Variants in USP7 observed in about 807,000 individuals in gnomAD.
USP7 encodes the protein ubiquitin C-terminal hydrolase 7.
In USP7, 9 loss-of-function variants were observed where a neutral mutation model predicts 162.9. The observed-to-expected ratio is 0.06, with a 90% CI of 0.03 to 0.10. The LOEUF is 0.10. Among genes scored for constraint, USP7 ranks in the 10% least tolerant of loss-of-function variants. The pLI, the probability that USP7 is intolerant of heterozygous loss-of-function variation, is 1.00. For synonymous variants in USP7, 562 were observed against 475.9 expected (o/e 1.18, Z -2.35); for missense variants, 715 against 1,373.7 (o/e 0.52, Z 7.58).
At position 8,920,532 on chromosome 16, in the gene USP7, T is replaced by C. The variant is rs1897627979; in HGVS notation, c.523-85A>G. ...GACAAATTACATTAGTGCCCTGTAC[T>C]TAATAGAGATGAAAATACTTTTTTT... On this transcript the variant is annotated intron_variant, in intron 4 of 30. Transcript: ENST00000344836. The C allele has an allele frequency of 1.3e-5, 14 of 1,043,920 alleles. No homozygotes were observed. In the South Asian group the frequency reaches 2.1e-4, roughly 16 times the overall value. 64.7% of individuals were successfully genotyped at this position (1,043,920 alleles called of 1,614,324 possible).
At chr16:8,907,461 CA>C (rs2061878643) in intron 12 of USP7, among the ~76,000 whole-genome samples, 1 of 152,224 alleles carries the variant, frequency 6.6e-6, no homozygotes, top group Admixed American at 6.5e-5. Flanking sequence ...ATATTCCATA[CA>C]AAGCTGGTGC....
intron 1 of USP7, among the ~76,000 whole-genome samples, chr16:8,946,867 T>C (rs943721624): frequency 2.6e-5 from 4 of 152,236 alleles, no homozygotes; most frequent in Middle Eastern, 3.2e-3. Context: ...TATAACTGTA[T>C]AATAAAATGT....
At chr16:8,927,878 G>T (rs372624562) in intron 2 of USP7, among the ~76,000 whole-genome samples, 12 of 151,854 alleles carry the variant, frequency 7.9e-5, no homozygotes, top group African/African-American at 2.2e-4. Flanking sequence ...AGTGCAATGG[G>T]TCATGCCTAT....
At chr16:8,962,582 A>G (rs74010351) in intron 1 of USP7, 29,635 of 354,372 alleles carry the variant, frequency 0.084, 1,603 homozygotes, top group African/African-American at 0.18. Context: ...CACACTGCCA[A>G]GTACAAACTC....
At chr16:8,962,225 G>A (rs999188417) in intron 1 of USP7, among the ~76,000 whole-genome samples, 2 of 152,172 alleles carry the variant, frequency 1.3e-5, no homozygotes, top group Non-Finnish European at 2.9e-5. Context: ...TTTCATTCAG[G>A]TGGCCTCCAT....
chr16:8,945,918 C>T (rs1461698556), intron 1 of USP7, among the ~76,000 whole-genome samples: 5 of 151,998 alleles, frequency 3.3e-5, no homozygotes, highest in Admixed American at 3.3e-4. Context: ...AAAACAACAG[C>T]ACTGATTGAG....
chr16:8,901,113 C>T (rs1348241783), intron 19 of USP7, 29 bp downstream of exon 19: 1 of 1,612,886 alleles, frequency 6.2e-7, no homozygotes, highest in African/African-American at 1.3e-5. Context: ...GCAAAATCTA[C>T]TCAGAAGGTA....
rs1224163161 is a variant in USP7, at chr16:8,923,376, A to C, written c.222T>G (p.Thr74=). The C allele has an allele frequency of 1.9e-6, 3 of 1,614,240 alleles. No homozygotes were observed. The highest frequency in any genetic ancestry group is 2.5e-6 in the Non-Finnish European group (3 of 1,180,042). ...CACTCAGTCTGCTGAAGCGCTCCAC[A>C]GTGAACTGAAAGGTTGCCTCGGAGC... ...SWRSEATFQF[T]VERFSRLSES... is the part of the protein sequence containing the mutation. The change falls in exon 3 of 31, where the codon ACT becomes ACG. Residue 74 remains threonine (T), a synonymous_variant. Coordinates refer to ENST00000344836, the MANE Select transcript of USP7 (RefSeq NM_003470.3).
intron 1 of USP7, among the ~76,000 whole-genome samples, chr16:8,946,710 AGCAGATGCAAAG>A (rs1295996473): frequency 6.6e-6 from 1 of 152,216 alleles, no homozygotes; most frequent in Non-Finnish European, 1.5e-5. Flanking sequence ...CCCACACACC[AGCAGATGCAAAG>A]GCGGCCTCCA....
At chr16:8,931,535 T>G (rs1898340669) in intron 1 of USP7, among the ~76,000 whole-genome samples, 1 of 152,358 alleles carries the variant, frequency 6.6e-6, no homozygotes, top group South Asian at 2.1e-4. Context: ...TGTATAATTA[T>G]GTAAAGATCC....
chr16:8,945,760 C>T (rs1899247721), intron 1 of USP7, among the ~76,000 whole-genome samples: 1 of 151,936 alleles, frequency 6.6e-6, no homozygotes, highest in South Asian at 2.1e-4. Flanking sequence ...TTTTGAATAA[C>T]ACAGATCCAC....
At chr16:8,948,274 C>T (rs1026176596) in intron 1 of USP7, among the ~76,000 whole-genome samples, 2 of 152,228 alleles carry the variant, frequency 1.3e-5, no homozygotes, top group Non-Finnish European at 2.9e-5. Flanking sequence ...CCTCAACTTC[C>T]TGGGCTCAAG....
intron 1 of USP7, among the ~76,000 whole-genome samples, chr16:8,953,071 G>A (rs1219263286): frequency 2.6e-5 from 4 of 152,010 alleles, no homozygotes; most frequent in Non-Finnish European, 4.4e-5. Context: ...CCCTGACCTC[G>A]TAATCTGTCG....
intron 1 of USP7, among the ~76,000 whole-genome samples, chr16:8,958,393 G>A (rs559539518): frequency 3.9e-5 from 6 of 152,318 alleles, no homozygotes; most frequent in Middle Eastern, 3.4e-3. Flanking sequence ...GCAGCTGTGC[G>A]ACTTCCTGTA....
chr16:8,910,856 T>C (rs773769650), intron 10 of USP7, 29 bp from the exon 11 acceptor site: 2 of 1,571,852 alleles, frequency 1.3e-6, no homozygotes, highest in Non-Finnish European at 1.7e-6. Flanking sequence ...AAAAGTCAAG[T>C]GCTAAAGCTT....
chr16:8,950,925 C>T (rs1899517915), intron 1 of USP7, among the ~76,000 whole-genome samples: 1 of 152,194 alleles, frequency 6.6e-6, no homozygotes, highest in Non-Finnish European at 1.5e-5. Flanking sequence ...CCAAGAGAAC[C>T]TCATGTACAA....
At chr16:8,933,137 A>C (rs1314291211) in intron 1 of USP7, among the ~76,000 whole-genome samples, 1 of 152,134 alleles carries the variant, frequency 6.6e-6, no homozygotes, top group Non-Finnish European at 1.5e-5. Flanking sequence ...ACAGGGTTTC[A>C]TCATGTTGGT....
intron 1 of USP7, among the ~76,000 whole-genome samples, chr16:8,952,056 G>A (rs1307393838): frequency 1.5e-5 from 2 of 133,714 alleles, no homozygotes; most frequent in African/African-American, 2.8e-5. Context: ...AAGCAGGAGG[G>A]TGTTTAAATA....
At chr16:8,920,968 C>A (rs774387320) in intron 4 of USP7, among the ~76,000 whole-genome samples, 189 bp downstream of exon 4, 1 of 152,134 alleles carries the variant, frequency 6.6e-6, no homozygotes. Flanking sequence ...AAAAGTGAGA[C>A]GTGAATCCAG....
Sources: gnomAD v4.1 joint callset for allele counts (sites outside exome capture counted in the v4.1 genomes callset) on GRCh38, gnomAD v4.1.1 for gene constraint, MANE v1.5 for transcripts, NCBI Gene and HGNC (gene_info 2026-07-23, HGNC 2026-07-21) for gene names.